The following PARD3 variants were observed in gnomAD, a reference collection of about 807,000 sequenced individuals.
PARD3 encodes par-3 family cell polarity regulator.
PARD3 carries 75 observed loss-of-function variants against 155.4 expected under a neutral mutation model. That is an observed-to-expected ratio of 0.48 (90% CI 0.40 to 0.58). The LOEUF (loss-of-function observed/expected upper bound fraction) is 0.58, where lower values mean the gene tolerates loss of function less well. Among genes scored for constraint, PARD3 ranks in the 20% least tolerant of loss-of-function variants. The probability of loss-of-function intolerance (pLI) is 0.00; values close to 1 mark genes in which losing one functional copy is unlikely to be tolerated. For synonymous variants in PARD3, 576 were observed against 610.5 expected, an observed-to-expected ratio of 0.94 and a Z score of 0.83; for missense variants, 1,642 against 1,721.7, an observed-to-expected ratio of 0.95 and a Z score of 0.82.
intron 5 of PARD3, among the ~76,000 whole-genome samples, chr10:34,447,696 C>A (rs1017194824): frequency 1.3e-5 from 2 of 149,796 alleles, no homozygotes; most frequent in Non-Finnish European, 3.0e-5. Context: ...TCCCAGCTAC[C>A]CAGGAGGCTG....
chr10:34,400,412 T>G (rs1477774865), intron 6 of PARD3, among the ~76,000 whole-genome samples: 1 of 152,238 alleles, frequency 6.6e-6, no homozygotes, highest in Non-Finnish European at 1.5e-5. Context: ...AAAATTTGTA[T>G]AGACAATGTA....
At chr10:34,630,503 C>G (rs1187492310) in intron 2 of PARD3, among the ~76,000 whole-genome samples, 1 of 150,482 alleles carries the variant, frequency 6.6e-6, no homozygotes, top group Non-Finnish European at 1.5e-5. Context: ...GGCTGGAGTG[C>G]AGTGGCACAA....
intron 18 of PARD3, 90 bp from the exon 19 acceptor site, chr10:34,331,434 C>T (rs1045218395): frequency 5.6e-6 from 4 of 713,862 alleles, no homozygotes; most frequent in Non-Finnish European, 9.7e-6. Flanking sequence ...AGGTACATAA[C>T]AATTATTTGC....
chr10:34,274,024 T>C (rs921971909), intron 21 of PARD3, among the ~76,000 whole-genome samples: 4 of 152,194 alleles, frequency 2.6e-5, no homozygotes, highest in East Asian at 1.9e-4. Context: ...GTGTCCCCAA[T>C]GGGGCAACGA....
chr10:34,319,408 G>T (rs938739551), intron 19 of PARD3, among the ~76,000 whole-genome samples: 2 of 152,112 alleles, frequency 1.3e-5, no homozygotes, highest in African/African-American at 4.8e-5. Flanking sequence ...CTTCAGAAAC[G>T]TTAGCCTTCC....
At chr10:34,713,418 C>T (rs559239380) in intron 1 of PARD3, among the ~76,000 whole-genome samples, 110 of 152,102 alleles carry the variant, frequency 7.2e-4, no homozygotes, top group Middle Eastern at 6.8e-3. Context: ...CAATCTAAGA[C>T]GCATTCCATT....
chr10:34,778,314 G>A (rs772577506), intron 1 of PARD3, among the ~76,000 whole-genome samples: 26 of 152,242 alleles, frequency 1.7e-4, no homozygotes, highest in South Asian at 8.3e-4. Flanking sequence ...TAAATCCCTC[G>A]GGCCAAGGAC....
At chr10:34,328,502 T>G (rs1305923749) in intron 19 of PARD3, among the ~76,000 whole-genome samples, 2 of 152,042 alleles carry the variant, frequency 1.3e-5, no homozygotes, top group Non-Finnish European at 2.9e-5. Context: ...TTTTAAAAAC[T>G]AAAATTTACA....
At chr10:34,516,936 T>A in intron 3 of PARD3, 43 bp downstream of exon 3, 1 of 1,568,536 alleles carries the variant, frequency 6.4e-7, no homozygotes, top group Non-Finnish European at 8.7e-7. Flanking sequence ...GGTATTCCTG[T>A]AAATTAAGAT....
At chr10:34,543,874 T>C (rs953020691) in intron 2 of PARD3, among the ~76,000 whole-genome samples, 1 of 152,210 alleles carries the variant, frequency 6.6e-6, no homozygotes, top group Non-Finnish European at 1.5e-5. Flanking sequence ...GTCAATGTAA[T>C]AGCTTTGTGG....
chr10:34,167,928 G>A (rs2133094766), intron 22 of PARD3, among the ~76,000 whole-genome samples: 1 of 152,104 alleles, frequency 6.6e-6, no homozygotes, highest in South Asian at 2.1e-4. Flanking sequence ...CCAAATCATG[G>A]ACTACCATGA....
At chr10:34,736,330 C>CTTTT (rs564413627) in intron 1 of PARD3, among the ~76,000 whole-genome samples, 1,704 of 128,396 alleles carry the variant, frequency 0.013, 58 homozygotes, top group African/African-American at 0.045. Flanking sequence ...GCGCCTGGCC[C>CTTTT]TTTTTTTTTT....
At chr10:34,228,486 A>C (rs1049148844) in intron 22 of PARD3, among the ~76,000 whole-genome samples, 27 of 152,142 alleles carry the variant, frequency 1.8e-4, no homozygotes, top group Admixed American at 1.3e-4. Flanking sequence ...TGTCTAGAAG[A>C]AGCAAATCCA....
At chr10:34,612,103 G>T (rs1019110800) in intron 2 of PARD3, among the ~76,000 whole-genome samples, 1 of 152,072 alleles carries the variant, frequency 6.6e-6, no homozygotes, top group African/African-American at 2.4e-5. Context: ...TCGGATTACA[G>T]GCGTGAGCCA....
intron 14 of PARD3, among the ~76,000 whole-genome samples, chr10:34,352,165 T>C (rs3781134): frequency 0.51 from 78,146 of 152,084 alleles, 22,413 homozygotes; most frequent in African/African-American, 0.79. Flanking sequence ...CAGTAATTTC[T>C]ACAAATATTA....
chr10:34,521,383 A>G lies in PARD3; in HGVS notation c.223-4224T>C, dbSNP rs890787524. Among the ~76,000 whole-genome samples, 30 of 146,814 alleles carry G rather than the reference A, an allele frequency of 2.0e-4. No homozygotes were observed. In the South Asian group the frequency reaches 3.5e-3, roughly 17 times the overall value. Reference sequence around the variant, plus strand: ...ACACAGCAAAAAAAAAAAAAAAAAAAGGTGGGGGGAACCTTCACAAAAAAC... The same window carrying G: ...ACACAGCAAAAAAAAAAAAAAAAAAGGGTGGGGGGAACCTTCACAAAAAAC... On this transcript the variant is annotated intron_variant, in intron 2 of 24. Transcript: ENST00000374788.
chr10:34,131,070 A>G (rs1947585633), intron 23 of PARD3, among the ~76,000 whole-genome samples: 1 of 152,236 alleles, frequency 6.6e-6, no homozygotes, highest in Admixed American at 6.5e-5. Context: ...TTTAAAAAAA[A>G]GAATTACTAA....
In PARD3 at chr10:34,119,634, C is replaced by T. The variant is rs752058745; in HGVS notation, c.3647G>A (p.Arg1216His). The T allele has an allele frequency of 5.0e-6, 8 of 1,610,048 alleles. No individual in the cohort carries two copies. The highest frequency in any genetic ancestry group is 3.3e-5 in the Admixed American group (2 of 59,778). ...ATACCGAGGCAGAGAGCTGTACTGG[C>T]GCTGGGCCTGCTGGGAGCTCTCGCG... The part of the protein sequence containing the change: ...EERESSQQAQ[R>H]QYSSLPRQSR... Residue 1216 changes from arginine to histidine, a missense_variant, in exon 24 of 25, where the codon CGC becomes CAC. Physicochemically the swap from Arg to His is conservative, Grantham distance 29 (BLOSUM62 0). This residue lies in a region of PARD3 where 1,529 missense variants were observed against 1,587.3 expected (regional missense o/e 0.96). Transcript: ENST00000374788.
chr10:34,674,631 C>T (rs547185776), intron 2 of PARD3, among the ~76,000 whole-genome samples: 15 of 152,034 alleles, frequency 9.9e-5, no homozygotes, highest in South Asian at 4.2e-4. Context: ...GGATTACAGA[C>T]GCCTGCCACC....
Sources: gnomAD v4.1 joint callset for allele counts (sites outside exome capture counted in the v4.1 genomes callset) on GRCh38, gnomAD v4.1.1 for gene constraint, gnomAD v4.1.1 regional missense constraint, MANE v1.5 for transcripts, NCBI Gene and HGNC (gene_info 2026-07-23, HGNC 2026-07-21) for gene names.